The following SH3BP4 variants were observed in gnomAD, a reference collection of about 807,000 sequenced individuals.
SH3BP4 encodes the protein SH3 domain-binding protein 4.
In SH3BP4, 33 loss-of-function variants were observed where a neutral mutation model predicts 65.5. The observed-to-expected ratio is 0.50, with a 90% CI of 0.38 to 0.67. The LOEUF is 0.67. Ranked by LOEUF, SH3BP4 falls within the 30% of genes least tolerant of loss-of-function variation. The pLI, the probability that SH3BP4 is intolerant of heterozygous loss-of-function variation, is 0.00. For synonymous variants in SH3BP4, 552 were observed against 545.5 expected, an observed-to-expected ratio of 1.01 and a Z score of -0.17; for missense variants, 1,134 against 1,261.4, an observed-to-expected ratio of 0.90 and a Z score of 1.53.
chr2:235,051,681 C>T (rs894498505), intron 4 of SH3BP4, among the ~76,000 whole-genome samples: 1 of 152,076 alleles, frequency 6.6e-6, no homozygotes, highest in African/African-American at 2.4e-5. Context: ...TGGTGGTACA[C>T]CCTGTCTCTG....
chr2:234,999,774 A>G (rs1384383292), intron 2 of SH3BP4, among the ~76,000 whole-genome samples: 1 of 152,260 alleles, frequency 6.6e-6, no homozygotes, highest in African/African-American at 2.4e-5. Flanking sequence ...GAAAGAGAGC[A>G]CAGTGAATCT....
chr2:234,991,799 C>T lies in SH3BP4; in HGVS notation c.-206-3504C>T, dbSNP rs1693756172. 6.6e-6 allele frequency among the ~76,000 whole-genome samples: 1 copy of T among 152,194 alleles called. No homozygotes were observed. Among genetic ancestry groups the T allele is most frequent in the African/African-American group, 2.4e-5 (1 of 41,454 alleles). ...CCACTGAATCCATCCACTGGGACCT[C>T]CCGGACATGACAAGCCAGATTCTCT... is the stretch of plus-strand genomic sequence containing the variant. On this transcript the variant is annotated intron_variant, in intron 1 of 5. Coordinates refer to ENST00000392011, the MANE Select transcript of SH3BP4 (RefSeq NM_014521.3). The surrounding 1 kb of genome is among the most constrained non-coding windows in gnomAD (Gnocchi z 4.2).
At chr2:235,023,924 G>T (rs1694918285) in intron 2 of SH3BP4, among the ~76,000 whole-genome samples, 1 of 152,148 alleles carries the variant, frequency 6.6e-6, no homozygotes, top group African/African-American at 2.4e-5. Context: ...ATGTCACCAA[G>T]CACTTTATCT....
intron 2 of SH3BP4, among the ~76,000 whole-genome samples, chr2:235,027,416 G>A (rs1366879350): frequency 4.7e-5 from 7 of 150,094 alleles, no homozygotes; most frequent in South Asian, 2.1e-4. Context: ...GTGTCAGGCC[G>A]TCAGTAACAG....
intron 2 of SH3BP4, among the ~76,000 whole-genome samples, chr2:235,008,083 C>T (rs1306784012): frequency 6.6e-6 from 1 of 152,218 alleles, no homozygotes; most frequent in Non-Finnish European, 1.5e-5. Flanking sequence ...TGCCCTGGGA[C>T]TTGGCCCTCT....
chr2:235,038,302 T>TATA (rs1258639318), intron 3 of SH3BP4, among the ~76,000 whole-genome samples: 1 of 11,006 alleles, frequency 9.1e-5, no homozygotes, highest in African/African-American at 1.1e-3. Context: ...ATATATATTA[T>TATA]ATATATATAT....
rs187492484 is a variant in SH3BP4, at chr2:234,976,349, T to C, written c.-206-18954T>C. Among the ~76,000 whole-genome samples, 32 of 152,342 alleles carry C rather than the reference T, an allele frequency of 2.1e-4. No homozygotes were observed. The East Asian group carries it at 5.0e-3, about 24-fold the overall frequency. On this transcript the variant is annotated intron_variant, in intron 1 of 5. Transcript: ENST00000392011. The surrounding 1 kb of genome is among the most constrained non-coding windows in gnomAD (Gnocchi z 4.7). ...CACCTTTATTTATTTATTCATTCAG[T>C]CACTTAGATTTTAAACTTGTGTTGA...
intron 3 of SH3BP4, among the ~76,000 whole-genome samples, chr2:235,038,395 A>T (rs868804821): frequency 4.4e-5 from 1 of 22,754 alleles, no homozygotes; most frequent in Non-Finnish European, 7.6e-5. Flanking sequence ...ATATATATAT[A>T]TATATATATA....
intron 2 of SH3BP4, among the ~76,000 whole-genome samples, chr2:235,007,424 G>C (rs1363144406): frequency 2.0e-5 from 3 of 152,154 alleles, no homozygotes; most frequent in Non-Finnish European, 4.4e-5. Flanking sequence ...AATGTCTGGA[G>C]ATTTGTGATT....
intron 1 of SH3BP4, among the ~76,000 whole-genome samples, chr2:234,981,002 G>C (rs1693361555): frequency 6.6e-6 from 1 of 152,134 alleles, no homozygotes; most frequent in South Asian, 2.1e-4. Flanking sequence ...TGGGATTACA[G>C]CCTTGTGCCA....
At chr2:235,006,079 G>A (rs1361901975) in intron 2 of SH3BP4, among the ~76,000 whole-genome samples, 1 of 152,234 alleles carries the variant, frequency 6.6e-6, no homozygotes, top group African/African-American at 2.4e-5. Context: ...TCCTGGCATG[G>A]TGCTGGGCTG....
chr2:235,006,616 G>A (rs368462377), intron 2 of SH3BP4, among the ~76,000 whole-genome samples: 14 of 152,214 alleles, frequency 9.2e-5, no homozygotes, highest in Admixed American at 3.9e-4. Flanking sequence ...GGCCCCCCTC[G>A]CTCTGCTTTG....
chr2:235,026,152 G>A lies in SH3BP4; in HGVS notation c.-132-8719G>A, dbSNP rs527282501. 6.6e-6 allele frequency among the ~76,000 whole-genome samples: 1 copy of A among 152,066 alleles called. No homozygotes were observed. The highest frequency in any genetic ancestry group is 1.5e-5 in the Non-Finnish European group (1 of 68,024). On this transcript the variant is annotated intron_variant, in intron 2 of 5. Coordinates refer to ENST00000392011, the MANE Select transcript of SH3BP4 (RefSeq NM_014521.3). This position sits in a 1 kb window ranked among gnomAD's most constrained non-coding sequence, Gnocchi z 4.6. Reference sequence around the variant, plus strand: ...AATAGAGGAAGCAGAGGAGAGGGGAGGCAGGAAAGGGAGGAGGCCAGGTAA... The same window carrying A: ...AATAGAGGAAGCAGAGGAGAGGGGAAGCAGGAAAGGGAGGAGGCCAGGTAA...
chr2:235,028,745 G>T (rs1046809507), intron 2 of SH3BP4, among the ~76,000 whole-genome samples: 1 of 152,174 alleles, frequency 6.6e-6, no homozygotes, highest in Non-Finnish European at 1.5e-5. Flanking sequence ...AGGGCCGGTT[G>T]TGTTGACATT....
chr2:235,040,434 A>T (rs1481267881), intron 3 of SH3BP4, among the ~76,000 whole-genome samples: 1 of 151,498 alleles, frequency 6.6e-6, no homozygotes, highest in Non-Finnish European at 1.5e-5. Flanking sequence ...GAGTTTTTGG[A>T]ATCTGTTCAT....
intron 4 of SH3BP4, among the ~76,000 whole-genome samples, chr2:235,047,300 C>CA (rs1022569065): frequency 3.9e-5 from 6 of 152,164 alleles, no homozygotes; most frequent in Non-Finnish European, 8.8e-5. Context: ...GTCCCATGTA[C>CA]AAAAAATGGT....
At position 235,035,952 on chromosome 2, in the gene SH3BP4, A is replaced by T. The variant is rs898184333; in HGVS notation, c.118+832A>T. On this transcript the variant is annotated intron_variant, in intron 3 of 5. Transcript: ENST00000392011. The surrounding 1 kb of genome is among the most constrained non-coding windows in gnomAD (Gnocchi z 5.0). The stretch of plus-strand genomic sequence containing the variant: ...CCCTTGGCTTTCTCTTAGCTGTTGA[A>T]ACTGTCTTGCCTGGAGCACAGCTGA... 6.6e-6 allele frequency among the ~76,000 whole-genome samples: 1 copy of T among 152,150 alleles called. No individual in the cohort carries two copies. The highest frequency in any genetic ancestry group is 1.5e-5 in the Non-Finnish European group (1 of 68,022).
At chr2:235,009,791 G>T (rs1193961123) in intron 2 of SH3BP4, among the ~76,000 whole-genome samples, 1 of 151,186 alleles carries the variant, frequency 6.6e-6, no homozygotes, top group African/African-American at 2.4e-5. Context: ...GCATGTCCAG[G>T]AGAAAACCCT....
chr2:235,045,156 G>A lies in SH3BP4; in HGVS notation c.2478+1909G>A, dbSNP rs552699086. On this transcript the variant is annotated intron_variant, in intron 4 of 5. Coordinates refer to ENST00000392011, the MANE Select transcript of SH3BP4 (RefSeq NM_014521.3). This position sits in a 1 kb window ranked among gnomAD's most constrained non-coding sequence, Gnocchi z 4.3. ...CACGGGTGCACCCAGCACAGTGGCA[G>A]ACAAAGCGCCTCCATCCCGTGAGAG... is the stretch of plus-strand genomic sequence containing the variant. Among the ~76,000 whole-genome samples the A allele has an allele frequency of 6.6e-6, 1 of 152,192 alleles. No homozygotes were observed. Among genetic ancestry groups the A allele is most frequent in the Non-Finnish European group, 1.5e-5 (1 of 68,038 alleles).
Sources: gnomAD v4.1 joint callset for allele counts (sites outside exome capture counted in the v4.1 genomes callset) on GRCh38, gnomAD v4.1.1 for gene constraint, Gnocchi (gnomAD v3.1) non-coding constraint, MANE v1.5 for transcripts, NCBI Gene and HGNC (gene_info 2026-07-23, HGNC 2026-07-21) for gene names.